The following CCDC30 variants were observed in gnomAD, a reference collection of about 807,000 sequenced individuals.
CCDC30 encodes the protein coiled-coil domain-containing protein 30.
A neutral mutation model predicts 100.2 loss-of-function variants in CCDC30; 70 were observed. The ratio of observed to expected loss-of-function variants is 0.70; its 90% CI spans 0.58 to 0.85. The LOEUF (loss-of-function observed/expected upper bound fraction) is 0.85, where lower values mean the gene tolerates loss of function less well. Ranked by LOEUF, CCDC30 falls within the 40% of genes least tolerant of loss-of-function variation. The pLI is 0.00. For missense variants in CCDC30, 652 were observed against 771.2 expected, an observed-to-expected ratio of 0.85 and a Z score of 1.83; for synonymous variants, 233 against 269.5, an observed-to-expected ratio of 0.86 and a Z score of 1.33.
At chr1:42,554,013 AT>A (rs1313460405) in intron 6 of CCDC30, among the ~76,000 whole-genome samples, 1 of 152,030 alleles carries the variant, frequency 6.6e-6, no homozygotes, top group African/African-American at 2.4e-5. Context: ...ATATATATGT[AT>A]GTATGTGTGT....
At chr1:42,494,674 C>T in intron 4 of CCDC30, among the ~76,000 whole-genome samples, 3 of 143,658 alleles carry the variant, frequency 2.1e-5, no homozygotes, top group Admixed American at 7.0e-5. Flanking sequence ...AAACAAACAA[C>T]CCCATCAAAA....
chr1:42,615,728 T>G (rs375635293), intron 11 of CCDC30, among the ~76,000 whole-genome samples: 2 of 152,314 alleles, frequency 1.3e-5, no homozygotes, highest in East Asian at 3.9e-4. Context: ...TGGACCAAAG[T>G]GAAGCCTGAT....
In CCDC30 at chr1:42,596,167, G is replaced by A. The variant is rs1646283535; in HGVS notation, c.1164+6684G>A. Among the ~76,000 whole-genome samples the A allele has an allele frequency of 6.6e-6, 1 of 152,180 alleles. No homozygotes were observed. Among genetic ancestry groups the A allele is most frequent in the Admixed American group, 6.5e-5 (1 of 15,272 alleles). On this transcript the variant is annotated intron_variant, in intron 10 of 16. Transcript: ENST00000668663. The surrounding 1 kb of genome is among the most constrained non-coding windows in gnomAD (Gnocchi z 4.3). Reference sequence around the variant, plus strand: ...GAGCAAAACCTTCATGAGGACCAGTGCCCAGGTATGGAAACCTGAACTGTA... The same window carrying A: ...GAGCAAAACCTTCATGAGGACCAGTACCCAGGTATGGAAACCTGAACTGTA...
intron 10 of CCDC30, among the ~76,000 whole-genome samples, chr1:42,600,451 T>C (rs1437727709): frequency 6.6e-6 from 1 of 152,116 alleles, no homozygotes; most frequent in African/African-American, 2.4e-5. Flanking sequence ...CAGCCAGATA[T>C]AGTGGATATC....
At chr1:42,560,555 G>A (rs1394476182) in intron 6 of CCDC30, among the ~76,000 whole-genome samples, 1 of 151,982 alleles carries the variant, frequency 6.6e-6, no homozygotes, top group Admixed American at 6.6e-5. Flanking sequence ...ATTTTTAGTA[G>A]AGACAGAGTT....
chr1:42,568,583 T>G (rs1463252254), intron 7 of CCDC30, among the ~76,000 whole-genome samples: 1 of 152,072 alleles, frequency 6.6e-6, no homozygotes, highest in Non-Finnish European at 1.5e-5. Context: ...CCCTCCTCAA[T>G]TTGGGTCATT....
At chr1:42,456,549 C>T in the CCDC30 span, 2 of 1,452,134 alleles carry the variant, frequency 1.4e-6, no homozygotes, top group South Asian at 1.4e-5. Context: ...GCGCAGGCGC[C>T]GGCCGCTGCG....
chr1:42,556,041 A>C (rs1321660282), intron 6 of CCDC30, 115 bp from the exon 10 acceptor site: 1 of 1,016,974 alleles, frequency 9.8e-7, no homozygotes, highest in African/African-American at 1.6e-5. Flanking sequence ...GTTGTGCTAT[A>C]GAATTCAGGT....
intron 6 of CCDC30, among the ~76,000 whole-genome samples, chr1:42,533,285 G>A (rs1030825085): frequency 1.2e-4 from 19 of 152,160 alleles, no homozygotes; most frequent in Non-Finnish European, 5.9e-5. Flanking sequence ...TGTTGATAAC[G>A]TCACTGGTGT....
intron 1 of CCDC30, among the ~76,000 whole-genome samples, chr1:42,470,749 T>C (rs927470936): frequency 2.0e-5 from 3 of 152,132 alleles, no homozygotes; most frequent in Admixed American, 6.6e-5. Context: ...TTGTATAAAA[T>C]AGGCAGGTTT....
At chr1:42,510,657 A>C (rs1035230497) in intron 6 of CCDC30, among the ~76,000 whole-genome samples, 7 of 78,500 alleles carry the variant, frequency 8.9e-5, no homozygotes, top group African/African-American at 2.2e-4. Flanking sequence ...ACTCCGTTTC[A>C]AAAAAAAAAA....
At chr1:42,620,513 G>A (rs951160468) in intron 11 of CCDC30, among the ~76,000 whole-genome samples, 10 of 151,584 alleles carry the variant, frequency 6.6e-5, no homozygotes, top group African/African-American at 2.4e-4. Context: ...TACAGACCTC[G>A]CTGGCTCAAG....
intron 11 of CCDC30, among the ~76,000 whole-genome samples, chr1:42,631,697 A>G (rs1036671021): frequency 6.6e-6 from 1 of 152,158 alleles, no homozygotes; most frequent in Admixed American, 6.5e-5. Context: ...CCGAAAATGC[A>G]GTCCTTTCCA....
At chr1:42,520,978 C>CCTT (rs1553188455) in intron 6 of CCDC30, among the ~76,000 whole-genome samples, 1 of 133,284 alleles carries the variant, frequency 7.5e-6, no homozygotes, top group Non-Finnish European at 1.6e-5. Flanking sequence ...TTTCTTTTTT[C>CCTT]TTTTTTTTTT....
intron 6 of CCDC30, among the ~76,000 whole-genome samples, chr1:42,563,608 C>T (rs1048336024): frequency 1.3e-5 from 2 of 152,096 alleles, no homozygotes; most frequent in African/African-American, 4.8e-5. Context: ...TGGCTGGGCG[C>T]GCTGGCTCAC....
At chr1:42,595,802 C>T (rs1646275767) in intron 10 of CCDC30, among the ~76,000 whole-genome samples, 1 of 152,094 alleles carries the variant, frequency 6.6e-6, no homozygotes, top group South Asian at 2.1e-4. Context: ...AATATATATT[C>T]CTGCTATCAT....
intron 6 of CCDC30, among the ~76,000 whole-genome samples, chr1:42,562,611 T>C (rs903424262): frequency 1.3e-5 from 2 of 151,732 alleles, no homozygotes. Flanking sequence ...CAAAATGAGA[T>C]CTAATTAAAC....
chr1:42,647,171 A>C (rs562530614), intron 15 of CCDC30, among the ~76,000 whole-genome samples: 87 of 152,074 alleles, frequency 5.7e-4, no homozygotes, highest in Non-Finnish European at 1.2e-3. Context: ...AAAGAAATAA[A>C]ACCCAACTAT....
chr1:42,644,773 G>C, exon 14 of CCDC30: 1 of 1,612,494 alleles, frequency 6.2e-7, no homozygotes, highest in South Asian at 1.1e-5. Flanking sequence ...TTCTTAGAGC[G>C]AATTATAAGG....
Sources: allele counts gnomAD v4.1 joint callset (sites outside exome capture counted in the v4.1 genomes callset), GRCh38; gene constraint gnomAD v4.1.1; non-coding constraint Gnocchi (gnomAD v3.1); transcripts MANE v1.5; gene names NCBI Gene and HGNC (gene_info 2026-07-23, HGNC 2026-07-21).